DAG1: variants seen among roughly 807,000 people sequenced by gnomAD.
DAG1 encodes the protein dystroglycan 1 (dystrophin-associated glycoprotein 1).
DAG1 carries 8 observed loss-of-function variants against 46.1 expected under a neutral mutation model. That is an observed-to-expected ratio of 0.17 (90% confidence interval 0.10 to 0.31). The LOEUF (loss-of-function observed/expected upper bound fraction) is 0.31. DAG1 is among the 10% of genes least tolerant of loss of function. DAG1 has a pLI of 1.00. For missense variants in DAG1, 1,003 were observed against 1,189.9 expected (o/e 0.84, Z 2.31); for synonymous variants, 495 against 481.8 (o/e 1.03, Z -0.36).
chr3:49,522,236 T>C (rs1029550916), intron 2 of DAG1, among the ~76,000 whole-genome samples: 1 of 152,242 alleles, frequency 6.6e-6, no homozygotes, highest in East Asian at 1.9e-4. Context: ...TTCACCATGT[T>C]GGCCAGGCTG....
intron 2 of DAG1, among the ~76,000 whole-genome samples, chr3:49,518,873 G>T (rs1167058542): frequency 2.0e-5 from 3 of 152,180 alleles, no homozygotes; most frequent in African/African-American, 4.8e-5. Flanking sequence ...CCTCTCTTGT[G>T]GCCTTAGGAA....
chr3:49,481,601 A>G (rs1035040962), intron 1 of DAG1, among the ~76,000 whole-genome samples: 14 of 152,028 alleles, frequency 9.2e-5, no homozygotes, highest in African/African-American at 3.1e-4. Flanking sequence ...CCTTGGGGAC[A>G]TGAGGAGCCA....
At chr3:49,508,899 T>C (rs973702947) in intron 1 of DAG1, among the ~76,000 whole-genome samples, 1 of 152,210 alleles carries the variant, frequency 6.6e-6, no homozygotes, top group Admixed American at 6.5e-5. Context: ...TATATATACA[T>C]GTATACATTT....
intron 1 of DAG1, among the ~76,000 whole-genome samples, chr3:49,488,400 C>T (rs2050093021): frequency 6.6e-6 from 1 of 152,144 alleles, no homozygotes; most frequent in Admixed American, 6.5e-5. Flanking sequence ...TCCTTTGACC[C>T]AGCAATTCCA....
At position 49,533,529 on chromosome 3, in the gene DAG1, C is replaced by A; in HGVS notation, c.*330C>A. The A allele has an allele frequency of 1.9e-6, 1 of 537,378 alleles. No homozygotes were observed. Among genetic ancestry groups the A allele is most frequent in the South Asian group, 1.6e-5 (1 of 61,140 alleles). The allele number at this position is 537,378 out of a possible 1,614,324, so 33.3% of individuals were successfully genotyped here. ...GAGGGAGCGAGGAACCATGAATGAA[C>A]TCGCAGGCAGTGCCGGGCGGCCCCC... On this transcript the variant is annotated 3_prime_UTR_variant, in exon 3 of 3. Coordinates refer to ENST00000308775, the MANE Select transcript of DAG1 (RefSeq NM_004393.6).
intron 2 of DAG1, among the ~76,000 whole-genome samples, chr3:49,515,264 C>T (rs555808954): frequency 1.8e-4 from 26 of 146,652 alleles, no homozygotes; most frequent in Middle Eastern, 6.9e-3. Flanking sequence ...GCCACTGTCC[C>T]GGGCCTATTT....
At chr3:49,474,988 A>G (rs1322886884) in intron 1 of DAG1, among the ~76,000 whole-genome samples, 2 of 146,746 alleles carry the variant, frequency 1.4e-5, no homozygotes, top group Non-Finnish European at 3.0e-5. Context: ...ATTTTTTTGT[A>G]TTTTTAGTAG....
At chr3:49,517,142 T>C (rs2050919767) in intron 2 of DAG1, among the ~76,000 whole-genome samples, 2 of 152,026 alleles carry the variant, frequency 1.3e-5, no homozygotes, top group Non-Finnish European at 2.9e-5. Flanking sequence ...TACAGGTGCC[T>C]GCTACCATGC....
rs576971146 is a variant in DAG1, at chr3:49,472,529, C to T, written c.-117+2096C>T. 1.4e-4 allele frequency among the ~76,000 whole-genome samples: 22 copies of T among 152,172 alleles called. No individual in the cohort carries two copies. In the East Asian group the frequency reaches 2.5e-3, roughly 17 times the overall value. ...ATTTGATTATTAAAAACTTTATCGC[C>T]GGGCATGGTGGCTCCCACCTGTAAT... is the stretch of plus-strand genomic sequence containing the variant. On this transcript the variant is annotated intron_variant, in intron 1 of 2. Coordinates refer to ENST00000308775, the MANE Select transcript of DAG1 (RefSeq NM_004393.6).
At chr3:49,530,219 T>C (rs924294448) in intron 2 of DAG1, among the ~76,000 whole-genome samples, 1 of 152,230 alleles carries the variant, frequency 6.6e-6, no homozygotes, top group Non-Finnish European at 1.5e-5. Flanking sequence ...TGTGCCCCAC[T>C]ACACTTGAAT....
Position 49,533,311 on chromosome 3 carries a change from A to G in DAG1, c.*112A>G, listed in dbSNP as rs1404019004. Reference sequence around the variant, plus strand: ...ATTGCCCACCGGGAGCCGACACCTGACCTAGCACACACTGACACAGGGGCC... The same window carrying G: ...ATTGCCCACCGGGAGCCGACACCTGGCCTAGCACACACTGACACAGGGGCC... On this transcript the variant is annotated 3_prime_UTR_variant, in exon 3 of 3. Transcript: ENST00000308775. 1 of 1,480,966 alleles carries G rather than the reference A, an allele frequency of 6.8e-7. No individual in the cohort carries two copies. The highest frequency in any genetic ancestry group is 1.4e-5 in the African/African-American group (1 of 71,954). The allele number at this position is 1,480,966 out of a possible 1,614,324, so 91.7% of individuals were successfully genotyped here. A position where few individuals can be genotyped will look rare whatever the true frequency, so the allele number is the denominator to read the frequency against.
intron 2 of DAG1, among the ~76,000 whole-genome samples, chr3:49,511,876 G>T (rs2050769137): frequency 1.3e-5 from 2 of 152,324 alleles, no homozygotes; most frequent in South Asian, 4.1e-4. Context: ...CCTCGACTCT[G>T]CCTGTGTAGT....
chr3:49,471,802 A>G (rs1362853190), intron 1 of DAG1, among the ~76,000 whole-genome samples: 1 of 152,206 alleles, frequency 6.6e-6, no homozygotes, highest in Admixed American at 6.6e-5. Flanking sequence ...CTAGGGACCC[A>G]TGTAAAAGAG....
chr3:49,505,022 G>C (rs1476502903), intron 1 of DAG1, among the ~76,000 whole-genome samples: 1 of 148,444 alleles, frequency 6.7e-6, no homozygotes, highest in East Asian at 2.0e-4. Context: ...TTGAGACAGG[G>C]TCTTGCTCCG....
At chr3:49,494,948 T>G (rs558190596) in intron 1 of DAG1, among the ~76,000 whole-genome samples, 8 of 152,108 alleles carry the variant, frequency 5.3e-5, no homozygotes, top group Non-Finnish European at 7.4e-5. Flanking sequence ...GGGGAATTAT[T>G]TAGGGGATTT....
intron 2 of DAG1, among the ~76,000 whole-genome samples, chr3:49,529,950 GGT>G (rs1329233354): frequency 6.6e-6 from 1 of 152,186 alleles, no homozygotes; most frequent in Non-Finnish European, 1.5e-5. Context: ...GTTGGAATAA[GGT>G]GATGAGCTCC....
intron 1 of DAG1, among the ~76,000 whole-genome samples, chr3:49,491,577 C>T (rs1206276953): frequency 2.7e-5 from 4 of 146,270 alleles, no homozygotes; most frequent in Non-Finnish European, 4.5e-5. Context: ...CCCGGGTTCA[C>T]GCCATTCTCC....
chr3:49,509,723 C>T (rs116077519), intron 1 of DAG1, among the ~76,000 whole-genome samples: 65 of 150,750 alleles, frequency 4.3e-4, no homozygotes, highest in African/African-American at 1.5e-3. Flanking sequence ...ATATATTTTA[C>T]TTAATATTTT....
chr3:49,518,767 T>G (rs930193596), intron 2 of DAG1, among the ~76,000 whole-genome samples: 1 of 152,220 alleles, frequency 6.6e-6, no homozygotes, highest in African/African-American at 2.4e-5. Context: ...CATGGACTGC[T>G]TTGACCAGAC....
Sources: gnomAD v4.1 joint callset for allele counts (sites outside exome capture counted in the v4.1 genomes callset) on GRCh38, gnomAD v4.1.1 for gene constraint, MANE v1.5 for transcripts, NCBI Gene and HGNC (gene_info 2026-07-23, HGNC 2026-07-21) for gene names.